KIF20B: variants seen among roughly 807,000 people sequenced by gnomAD.
KIF20B encodes the protein kinesin family member 20B, also known as kinesin-like protein KIF20B.
In KIF20B, 188 loss-of-function variants were observed where a neutral mutation model predicts 232.5. That is an observed-to-expected ratio of 0.81 (90% CI 0.72 to 0.91). The LOEUF is 0.91. Ranked by LOEUF, KIF20B falls within the 40% of genes least tolerant of loss-of-function variation. KIF20B has a pLI of 0.00. For synonymous variants in KIF20B, 712 were observed against 683.0 expected, an observed-to-expected ratio of 1.04 and a Z score of -0.66; for missense variants, 2,154 against 2,055.9, an observed-to-expected ratio of 1.05 and a Z score of -0.92.
Position 89,726,510 on chromosome 10 carries a change from A to G in KIF20B, c.2219A>G (p.Lys740Arg). 1 of 1,589,678 alleles carries G rather than the reference A, an allele frequency of 6.3e-7. No homozygotes were observed. ...ATCAAAACCAAAGAAGAGTTAAAAA[A>G]GAGAGAAAATGGTAAGTGGATACAT... ...ELIKTKEELKKRENESDSLIQ... is the reference protein window; with the variant it reads ...ELIKTKEELKRRENESDSLIQ... The change falls in exon 16 of 33, where the codon AAG becomes AGG. Residue 740 changes from lysine to arginine, a missense_variant. Physicochemically the swap from Lys to Arg is conservative, Grantham distance 26 (BLOSUM62 2). Transcript: ENST00000371728.
intron 17 of KIF20B, 151 bp from the exon 18 acceptor site, chr10:89,728,977 A>T (rs1409759260): frequency 1.4e-5 from 8 of 588,376 alleles, no homozygotes; most frequent in African/African-American, 2.0e-5. Flanking sequence ...CAAAAATAAG[A>T]TCATGCTGTG....
intron 21 of KIF20B, among the ~76,000 whole-genome samples, chr10:89,739,897 C>T (rs551432466): frequency 7.6e-4 from 115 of 152,134 alleles, no homozygotes; most frequent in African/African-American, 2.6e-3. Flanking sequence ...TTTGTACAGT[C>T]GTAATTAATC....
chr10:89,760,255 G>C (rs1842210117), intron 27 of KIF20B, among the ~76,000 whole-genome samples: 1 of 152,104 alleles, frequency 6.6e-6, no homozygotes, highest in Non-Finnish European at 1.5e-5. Flanking sequence ...TAAAGCAAGA[G>C]AATGTGGGCA....
chr10:89,756,707 C>T (rs1842126130), intron 26 of KIF20B, among the ~76,000 whole-genome samples: 1 of 152,082 alleles, frequency 6.6e-6, no homozygotes, highest in Non-Finnish European at 1.5e-5. Context: ...AATAACTAAT[C>T]TGTCCTTCAG....
In KIF20B at chr10:89,726,319, A is replaced by G. The variant is rs184189311; in HGVS notation, c.2028A>G (p.Glu676=). The G allele has an allele frequency of 3.0e-4, 469 of 1,549,292 alleles. 1 individual carries two copies. Among genetic ancestry groups the G allele is most frequent in the Admixed American group, 5.1e-4 (26 of 50,752 alleles). ...TEETHNYVGF[E]DIIDSLQDNV... is the part of the protein sequence containing the mutation. ...AAACACATAATTATGTAGGATTTGA[A>G]GATATTATTGATTCTCTTCAAGATA... is the stretch of plus-strand genomic sequence containing the variant. The change falls in exon 16 of 33, where the codon GAA becomes GAG. Residue 676 remains glutamate, a synonymous_variant. Coordinates refer to ENST00000371728, the MANE Select transcript of KIF20B (RefSeq NM_001284259.2).
chr10:89,709,557 T>C (rs567440461), intron 4 of KIF20B, 96 bp downstream of exon 4: 85 of 753,068 alleles, frequency 1.1e-4, no homozygotes, highest in Non-Finnish European at 1.9e-4. Flanking sequence ...CTATACATTT[T>C]ATGCTTATGC....
chr10:89,723,070 A>G (rs537741956), intron 13 of KIF20B, among the ~76,000 whole-genome samples: 1 of 143,444 alleles, frequency 7.0e-6, no homozygotes, highest in Non-Finnish European at 1.6e-5. Context: ...CAAAACAACA[A>G]CACTGTGATC....
At chr10:89,751,297 G>A in intron 23 of KIF20B, 49 bp from the exon 24 acceptor site, 1 of 1,338,258 alleles carries the variant, frequency 7.5e-7, no homozygotes, top group Non-Finnish European at 9.8e-7. Context: ...AAGAAAAATT[G>A]GATATCTAGA....
chr10:89,725,015 T>C lies in KIF20B; in HGVS notation c.1863-5T>C, dbSNP rs1359442504. The C allele has an allele frequency of 1.2e-6, 2 of 1,611,750 alleles. No homozygotes were observed. Among genetic ancestry groups the C allele is most frequent in the South Asian group, 2.2e-5 (2 of 90,466 alleles). On this transcript the variant is annotated splice_polypyrimidine_tract_variant and splice_region_variant and intron_variant, in intron 14 of 32. Coordinates refer to ENST00000371728, the MANE Select transcript of KIF20B (RefSeq NM_001284259.2). ...TTCTTAATGGGATTAATTTGTATTT[T>C]GAAGGGAGACTCTGCTTCAAGAACG... is the stretch of plus-strand genomic sequence containing the variant.
chr10:89,704,756 A>G (rs1365658927), intron 1 of KIF20B, among the ~76,000 whole-genome samples: 1 of 152,116 alleles, frequency 6.6e-6, no homozygotes, highest in Admixed American at 6.6e-5. Context: ...ACGGGGTTTC[A>G]CCATCTTGGC....
chr10:89,738,387 G>A lies in KIF20B; in HGVS notation c.3546G>A (p.Lys1182=), dbSNP rs144334086. The A allele has an allele frequency of 4.4e-6, 7 of 1,603,996 alleles. No homozygotes were observed. Among genetic ancestry groups the A allele is most frequent in the Non-Finnish European group, 5.9e-6 (7 of 1,177,478 alleles). ...AAGTTGAATGTAGTCATTCAGCCAA[G>A]TTAGAACAAGACATTTTGGAAAAGG... is the stretch of plus-strand genomic sequence containing the variant. The part of the protein sequence containing the change: ...TQKVECSHSA[K]LEQDILEKES... The change falls in exon 20 of 33, where the codon AAG becomes AAA. Residue 1182 remains lysine, a synonymous_variant. Transcript: ENST00000371728.
chr10:89,738,417 T>G lies in KIF20B; in HGVS notation c.3576T>G (p.Ser1192=), dbSNP rs1841715637. ...AACAAGACATTTTGGAAAAGGAATC[T>G]ATCATCTTAAAGCTAGAAAGAAATT... ...KLEQDILEKE[S]IILKLERNLK... Residue 1192 remains serine, a synonymous_variant, in exon 20 of 33, where the codon TCT becomes TCG. Coordinates refer to ENST00000371728, the MANE Select transcript of KIF20B (RefSeq NM_001284259.2). 1 of 1,602,376 alleles carries G rather than the reference T, an allele frequency of 6.2e-7. No individual in the cohort carries two copies. Among genetic ancestry groups the G allele is most frequent in the East Asian group, 2.2e-5 (1 of 44,736 alleles).
intron 32 of KIF20B, among the ~76,000 whole-genome samples, chr10:89,773,216 C>G (rs1842501825): frequency 6.6e-6 from 1 of 151,908 alleles, no homozygotes; most frequent in South Asian, 2.1e-4. Flanking sequence ...TCCCACCTTT[C>G]CCCTAAGCCT....
chr10:89,757,040 GTATATATATATA>G (rs34325599), intron 26 of KIF20B, among the ~76,000 whole-genome samples: 49 of 110,756 alleles, frequency 4.4e-4, no homozygotes, highest in Admixed American at 9.6e-4. Context: ...GTGTGTGTGT[GTATATATATATA>G]TATATATATA....
rs1331651224 is a variant in KIF20B, at chr10:89,716,476, T to A, written c.981T>A (p.Tyr327Ter). The change falls in exon 9 of 33, where the codon TAT becomes TAA. Residue 327 changes from tyrosine to a stop codon, truncating the protein, a stop_gained. Coordinates refer to ENST00000371728, the MANE Select transcript of KIF20B (RefSeq NM_001284259.2). LOFTEE classifies it high-confidence loss of function. ...WIQVSDSKEAYRLLKLGIKHQ... is the reference protein window; with the variant it reads ...WIQVSDSKEA The stretch of plus-strand genomic sequence containing the variant: ...AAGTATCTGATTCCAAAGAAGCCTA[T>A]AGACTTTTAAAACTAGGAATAAAGC... 1 of 1,585,498 alleles carries A rather than the reference T, an allele frequency of 6.3e-7. No homozygotes were observed. Among genetic ancestry groups the A allele is most frequent in the East Asian group, 2.2e-5 (1 of 44,618 alleles).
intron 21 of KIF20B, among the ~76,000 whole-genome samples, chr10:89,741,609 T>TC (rs1245540997): frequency 1.3e-5 from 2 of 152,228 alleles, no homozygotes; most frequent in African/African-American, 4.8e-5. Context: ...GTTTTTAACT[T>TC]CCATTTTGTT....
intron 21 of KIF20B, among the ~76,000 whole-genome samples, chr10:89,739,781 G>A: frequency 6.6e-6 from 1 of 151,186 alleles, no homozygotes; most frequent in East Asian, 1.9e-4. Flanking sequence ...ACTGAATGTT[G>A]TGTTTATCTA....
rs11287823 is a variant in KIF20B at position 89,702,755 on chromosome 10, C to CT, written c.-2+1091dup. On this transcript the variant is annotated intron_variant, in intron 1 of 32. Transcript: ENST00000371728. ...AGATAATATTACAGACTAGGACCGA[C>CT]TTTTTTTTTTTTTTTTGGAATAGTA... is the stretch of plus-strand genomic sequence containing the variant. Among the ~76,000 whole-genome samples the CT allele has an allele frequency of 6.7e-3, 949 of 141,776 alleles. 3 individuals carry two copies. Among genetic ancestry groups the CT allele is most frequent in the African/African-American group, 0.016 (633 of 39,354 alleles). The allele number at this position is 141,776 out of a possible 152,430, so 93.0% of individuals were successfully genotyped here.
chr10:89,771,469 T>G (rs1842459248), intron 31 of KIF20B, among the ~76,000 whole-genome samples: 1 of 152,036 alleles, frequency 6.6e-6, no homozygotes, highest in Non-Finnish European at 1.5e-5. Flanking sequence ...CTGACAAGCT[T>G]CCCTTCCTAC....
Sources: allele counts gnomAD v4.1 joint callset (sites outside exome capture counted in the v4.1 genomes callset), GRCh38; gene constraint gnomAD v4.1.1; transcripts MANE v1.5; gene names NCBI Gene and HGNC (gene_info 2026-07-23, HGNC 2026-07-21).